SLC24A3: variants seen among roughly 807,000 people sequenced by gnomAD.
SLC24A3 encodes sodium/potassium/calcium exchanger 3.
In SLC24A3, 28 loss-of-function variants were observed where a neutral mutation model predicts 75.8. The observed-to-expected ratio is 0.37, with a 90% confidence interval of 0.27 to 0.51. The LOEUF (loss-of-function observed/expected upper bound fraction) is 0.51, where lower values mean the gene tolerates loss of function less well. Ranked by LOEUF, SLC24A3 falls within the 20% of genes least tolerant of loss-of-function variation. The pLI is 0.94. For synonymous variants in SLC24A3, 372 were observed against 334.1 expected, an observed-to-expected ratio of 1.11 and a Z score of -1.24; for missense variants, 663 against 847.8, an observed-to-expected ratio of 0.78 and a Z score of 2.71.
intron 12 of SLC24A3, among the ~76,000 whole-genome samples, chr20:19,686,976 G>A (rs989496548): frequency 2.6e-5 from 4 of 152,120 alleles, no homozygotes; most frequent in Admixed American, 1.3e-4. Flanking sequence ...GGATTAAATG[G>A]CAAAACACTC....
chr20:19,667,957 A>G (rs564796573), intron 8 of SLC24A3, among the ~76,000 whole-genome samples: 42 of 152,300 alleles, frequency 2.8e-4, no homozygotes, highest in Non-Finnish European at 4.3e-4. Flanking sequence ...CTCTCATCCA[A>G]TTATGAGTAA....
At chr20:19,278,308 T>C (rs1323711088) in intron 1 of SLC24A3, among the ~76,000 whole-genome samples, 1 of 152,218 alleles carries the variant, frequency 6.6e-6, no homozygotes, top group Non-Finnish European at 1.5e-5. Flanking sequence ...TAGTTATTCA[T>C]GATGGCAACT....
intron 1 of SLC24A3, among the ~76,000 whole-genome samples, chr20:19,263,450 A>T (rs1983060453): frequency 6.6e-6 from 1 of 152,250 alleles, no homozygotes; most frequent in South Asian, 2.1e-4. Context: ...AAGCCTGATT[A>T]TTTAGGCAAA....
At chr20:19,322,893 G>A (rs888771572) in intron 2 of SLC24A3, among the ~76,000 whole-genome samples, 12 of 152,246 alleles carry the variant, frequency 7.9e-5, no homozygotes, top group African/African-American at 2.9e-4. Flanking sequence ...ACCCATTTTG[G>A]ATGAAGAAAT....
chr20:19,704,396 T>C (rs141568140), intron 15 of SLC24A3, among the ~76,000 whole-genome samples: 58 of 152,304 alleles, frequency 3.8e-4, no homozygotes, highest in Admixed American at 1.5e-3. Flanking sequence ...TGTAAGGGAA[T>C]GATTATTCTT....
In SLC24A3 at chr20:19,580,393, C is replaced by A. The variant is rs149877024; in HGVS notation, c.423+319C>A. 5.6e-3 allele frequency among the ~76,000 whole-genome samples: 847 copies of A among 152,198 alleles called. 5 individuals carry two copies. Among genetic ancestry groups the A allele is most frequent in the Middle Eastern group, 0.027 (8 of 294 alleles). On this transcript the variant is annotated intron_variant, in intron 4 of 16. Transcript: ENST00000328041. Reference sequence around the variant, plus strand: ...TCTTTTCCTTTTAAACTCACTCTTCCTTTCTGTTACTTCCTCCACCTCTCT... The same window carrying A: ...TCTTTTCCTTTTAAACTCACTCTTCATTTCTGTTACTTCCTCCACCTCTCT...
At chr20:19,221,344 T>C (rs1199370249) in intron 1 of SLC24A3, among the ~76,000 whole-genome samples, 1 of 152,220 alleles carries the variant, frequency 6.6e-6, no homozygotes, top group African/African-American at 2.4e-5. Context: ...TAAAGTCTGC[T>C]GCCAGCTGTC....
At chr20:19,564,441 G>A (rs779868097) in intron 3 of SLC24A3, among the ~76,000 whole-genome samples, 1 of 151,964 alleles carries the variant, frequency 6.6e-6, no homozygotes, top group South Asian at 2.1e-4. Flanking sequence ...CACCATTACC[G>A]TGATCAACTT....
At chr20:19,214,356 G>T (rs1416289640) in intron 1 of SLC24A3, among the ~76,000 whole-genome samples, 1 of 152,170 alleles carries the variant, frequency 6.6e-6, no homozygotes, top group Non-Finnish European at 1.5e-5. Flanking sequence ...CTCTCCCAGG[G>T]CAGATTCACA....
At chr20:19,237,527 A>G (rs141601479) in intron 1 of SLC24A3, among the ~76,000 whole-genome samples, 1,871 of 152,262 alleles carry the variant, frequency 0.012, 26 homozygotes, top group South Asian at 0.026. Context: ...ACATCCACCC[A>G]GCTTGCAGAA....
chr20:19,507,497 C>G (rs987664065), intron 2 of SLC24A3, among the ~76,000 whole-genome samples: 1 of 152,218 alleles, frequency 6.6e-6, no homozygotes, highest in East Asian at 1.9e-4. Context: ...TGGTATCAGT[C>G]ACTCAGGGAT....
At chr20:19,257,264 C>T (rs1426785326) in intron 1 of SLC24A3, among the ~76,000 whole-genome samples, 1 of 152,230 alleles carries the variant, frequency 6.6e-6, no homozygotes, top group Non-Finnish European at 1.5e-5. Context: ...GAGCCATCTA[C>T]AGCTGTGGAT....
intron 3 of SLC24A3, among the ~76,000 whole-genome samples, chr20:19,560,426 A>G (rs2030857441): frequency 6.6e-6 from 1 of 152,220 alleles, no homozygotes; most frequent in South Asian, 2.1e-4. Flanking sequence ...GTTCTCTAGC[A>G]CTGGTAGGAG....
intron 1 of SLC24A3, among the ~76,000 whole-genome samples, chr20:19,267,337 A>G (rs1351561474): frequency 6.6e-6 from 1 of 152,230 alleles, no homozygotes; most frequent in Non-Finnish European, 1.5e-5. Flanking sequence ...CAAATGGAAG[A>G]AAAGCACTAT....
intron 15 of SLC24A3, among the ~76,000 whole-genome samples, chr20:19,711,175 G>A (rs1359809311): frequency 6.9e-6 from 1 of 144,524 alleles, no homozygotes; most frequent in South Asian, 2.3e-4. Context: ...GCAGGCAAAC[G>A]TACACACACA....
chr20:19,473,240 T>G (rs1330422209), intron 2 of SLC24A3, among the ~76,000 whole-genome samples: 1 of 152,246 alleles, frequency 6.6e-6, no homozygotes, highest in East Asian at 1.9e-4. Context: ...TGTGTGGCTC[T>G]TCAGGATTTT....
intron 2 of SLC24A3, among the ~76,000 whole-genome samples, chr20:19,289,351 C>G (rs776119199): frequency 6.6e-6 from 1 of 152,226 alleles, no homozygotes; most frequent in Non-Finnish European, 1.5e-5. Flanking sequence ...GGTCTCCAGA[C>G]CACATGTCTA....
At chr20:19,278,093 G>A (rs1043702110) in intron 1 of SLC24A3, among the ~76,000 whole-genome samples, 3 of 152,166 alleles carry the variant, frequency 2.0e-5, no homozygotes, top group African/African-American at 7.2e-5. Flanking sequence ...GCACCTTCCT[G>A]TCATTGCCCA....
intron 2 of SLC24A3, among the ~76,000 whole-genome samples, chr20:19,367,399 G>A (rs915304215): frequency 2.0e-5 from 3 of 152,130 alleles, no homozygotes; most frequent in Non-Finnish European, 1.5e-5. Context: ...AATTTTCACT[G>A]AGGTGAAACA....
Sources: allele counts gnomAD v4.1 joint callset (sites outside exome capture counted in the v4.1 genomes callset), GRCh38; gene constraint gnomAD v4.1.1; transcripts MANE v1.5; gene names NCBI Gene and HGNC (gene_info 2026-07-23, HGNC 2026-07-21).